DLG1: variants seen among roughly 807,000 people sequenced by gnomAD.
DLG1 encodes discs large MAGUK scaffold protein 1.
A neutral mutation model predicts 123.4 loss-of-function variants in DLG1; 42 were observed. The observed-to-expected ratio is 0.34, with a 90% confidence interval of 0.27 to 0.44. The LOEUF (loss-of-function observed/expected upper bound fraction) is 0.44, where lower values mean the gene tolerates loss of function less well. Ranked by LOEUF, DLG1 falls within the 20% of genes least tolerant of loss-of-function variation. The pLI is 1.00. For synonymous variants in DLG1, 317 were observed against 356.2 expected (o/e 0.89, Z 1.24); for missense variants, 942 against 1,082.6 (o/e 0.87, Z 1.82).
chr3:197,065,794 G>C lies in DLG1; in HGVS notation c.2114C>G (p.Pro705Arg). The C allele has an allele frequency of 1.3e-6, 2 of 1,591,314 alleles. No individual in the cohort carries two copies. The highest frequency in any genetic ancestry group is 1.7e-6 in the Non-Finnish European group (2 of 1,162,440). Residue 705 changes from proline to arginine, a missense_variant, in exon 21 of 25, where the codon CCA becomes CGA. Coordinates refer to ENST00000667157, the MANE Select transcript of DLG1 (RefSeq NM_001366207.1). ...TTTCATAGGTCCCAATATGATCACT[G>C]GTCGAGTATAATTAACTATAAAGAT... is the stretch of plus-strand genomic sequence containing the variant. Reference protein sequence around the residue: ...VNQQEVNYTRPVIILGPMKDR... With the variant: ...VNQQEVNYTRRVIILGPMKDR...
intron 4 of DLG1, among the ~76,000 whole-genome samples, chr3:197,201,241 G>C (rs894254685): frequency 6.6e-6 from 1 of 152,166 alleles, no homozygotes; most frequent in African/African-American, 2.4e-5. Context: ...AAATTTAGCT[G>C]GGCATGGTGG....
At chr3:197,222,156 AGCTGACTG>A (rs952545219) in intron 4 of DLG1, among the ~76,000 whole-genome samples, 11 of 152,332 alleles carry the variant, frequency 7.2e-5, no homozygotes, top group African/African-American at 2.6e-4. Flanking sequence ...GGATACGAAC[AGCTGACTG>A]CAGTTAGGTT....
intron 12 of DLG1, among the ~76,000 whole-genome samples, chr3:197,117,664 G>A (rs542778892): frequency 7.2e-5 from 11 of 152,290 alleles, no homozygotes; most frequent in Non-Finnish European, 1.5e-4. Flanking sequence ...GTTACCAGGG[G>A]CTGGGAAGAC....
At chr3:197,096,129 C>T (rs1224723240) in intron 14 of DLG1, among the ~76,000 whole-genome samples, 1 of 152,160 alleles carries the variant, frequency 6.6e-6, no homozygotes, top group Non-Finnish European at 1.5e-5. Flanking sequence ...GGGAAAATAA[C>T]ATACACACAG....
intron 18 of DLG1, chr3:197,070,565 A>ACTTCTT (rs535594183): frequency 1.3e-5 from 1 of 76,190 alleles, no homozygotes; most frequent in African/African-American, 4.7e-5. Flanking sequence ...TGGAAATTTC[A>ACTTCTT]TTTTTTTTTT....
In DLG1 at chr3:197,043,201, A is replaced by G. The variant is rs897413115; in HGVS notation, c.*1422T>C. On this transcript the variant is annotated 3_prime_UTR_variant, in exon 25 of 25. Transcript: ENST00000667157. ...GAAGATTTGTGCAATTCTAGTGCAG[A>G]GCAGTGGATGAAAGCTGTCTGAGGG... The G allele has an allele frequency of 2.0e-5, 3 of 152,174 alleles. No homozygotes were observed. Among genetic ancestry groups the G allele is most frequent in the Non-Finnish European group, 4.4e-5 (3 of 68,022 alleles). The allele number at this position is 152,174 out of a possible 1,614,324, so 9.4% of individuals were successfully genotyped here. A position where few individuals can be genotyped will look rare whatever the true frequency, so the allele number is the denominator to read the frequency against.
At chr3:197,116,641 T>A (rs1773464176) in intron 12 of DLG1, among the ~76,000 whole-genome samples, 1 of 152,124 alleles carries the variant, frequency 6.6e-6, no homozygotes, top group Non-Finnish European at 1.5e-5. Flanking sequence ...ACAAACCTTA[T>A]CAAGGACAAA....
intron 4 of DLG1, among the ~76,000 whole-genome samples, chr3:197,231,265 G>C (rs1471387052): frequency 6.6e-6 from 1 of 152,210 alleles, no homozygotes; most frequent in Non-Finnish European, 1.5e-5. Context: ...CAGGAATTAA[G>C]CAGTGACATT....
In DLG1 at chr3:197,072,066, TAG is replaced by T. The variant is rs199710486; in HGVS notation, c.2006-2808_2006-2807del. 5.4e-4 allele frequency among the ~76,000 whole-genome samples: 82 copies of T among 152,358 alleles called. 1 individual carries two copies. The East Asian group carries it at 0.015, about 27-fold the overall frequency. On this transcript the variant is annotated intron_variant, in intron 18 of 24. Transcript: ENST00000667157. ...GCAGTTTCATATTTTACTTTTTTCA[TAG>T]ATAGTAAGCATTTCCCCATGTCATT... is the stretch of plus-strand genomic sequence containing the variant.
chr3:197,277,422 C>G (rs1422812184), intron 4 of DLG1, among the ~76,000 whole-genome samples: 1 of 152,030 alleles, frequency 6.6e-6, no homozygotes, highest in Non-Finnish European at 1.5e-5. Flanking sequence ...TCTTTGGCAA[C>G]CTCCGCTTCC....
At chr3:197,079,699 G>C (rs184122866) in intron 17 of DLG1, among the ~76,000 whole-genome samples, 1 of 152,140 alleles carries the variant, frequency 6.6e-6, no homozygotes, top group Non-Finnish European at 1.5e-5. Context: ...ATTTACCTGG[G>C]ATTTTTCCTC....
intron 4 of DLG1, among the ~76,000 whole-genome samples, chr3:197,281,698 T>G (rs1176024889): frequency 6.6e-6 from 1 of 152,034 alleles, no homozygotes; most frequent in Non-Finnish European, 1.5e-5. Context: ...GAACTGTGAG[T>G]TGGGTGTTAA....
rs188523819 is a variant in DLG1, at chr3:197,102,518, G to A, written c.1546+2385C>T. Reference sequence around the variant, plus strand: ...TGTTGTGTGTGCGTGTAGCTAACCTGTTACTAAGCTTTGATGCTTTTCCCC... The same window carrying A: ...TGTTGTGTGTGCGTGTAGCTAACCTATTACTAAGCTTTGATGCTTTTCCCC... On this transcript the variant is annotated intron_variant, in intron 14 of 24. Transcript: ENST00000667157. Among the ~76,000 whole-genome samples, 36 of 152,318 alleles carry A rather than the reference G, an allele frequency of 2.4e-4. No individual in the cohort carries two copies. The East Asian group carries it at 6.6e-3, about 28-fold the overall frequency.
intron 5 of DLG1, among the ~76,000 whole-genome samples, chr3:197,190,427 C>G (rs1419972738): frequency 6.6e-6 from 1 of 152,094 alleles, no homozygotes; most frequent in Non-Finnish European, 1.5e-5. Flanking sequence ...CCTCTGTATA[C>G]TTGGGTTTTG....
chr3:197,229,365 G>A (rs142616178), intron 4 of DLG1, among the ~76,000 whole-genome samples: 380 of 150,314 alleles, frequency 2.5e-3, no homozygotes, highest in Middle Eastern at 6.8e-3. Context: ...GGCTGAGGTG[G>A]AAAGATCACT....
chr3:197,194,744 T>G (rs1462580845), intron 4 of DLG1, among the ~76,000 whole-genome samples, 155 bp from the exon 5 acceptor site: 2 of 152,160 alleles, frequency 1.3e-5, no homozygotes, highest in Non-Finnish European at 2.9e-5. Flanking sequence ...GGATTTTACT[T>G]TAAAAATAAT....
chr3:197,098,004 AATTT>A (rs1338587335), intron 14 of DLG1, among the ~76,000 whole-genome samples: 1 of 152,050 alleles, frequency 6.6e-6, no homozygotes, highest in African/African-American at 2.4e-5. Context: ...TTTTAAATAT[AATTT>A]ATTTGTATTT....
At chr3:197,078,815 T>C (rs1357450342) in intron 17 of DLG1, among the ~76,000 whole-genome samples, 2 of 152,216 alleles carry the variant, frequency 1.3e-5, no homozygotes, top group Admixed American at 1.3e-4. Context: ...ACTGATGTGT[T>C]TTTTATAAAA....
chr3:197,209,094 C>T (rs1730059753), intron 4 of DLG1, among the ~76,000 whole-genome samples: 1 of 145,902 alleles, frequency 6.9e-6, no homozygotes, highest in Admixed American at 6.9e-5. Context: ...ACAAATATGA[C>T]TTGGGCCACC....
Sources: gnomAD v4.1 joint callset for allele counts (sites outside exome capture counted in the v4.1 genomes callset) on GRCh38, gnomAD v4.1.1 for gene constraint, MANE v1.5 for transcripts, NCBI Gene and HGNC (gene_info 2026-07-23, HGNC 2026-07-21) for gene names.